The following DSCAML1 variants were observed in gnomAD, a reference collection of about 807,000 sequenced individuals.
The protein encoded by DSCAML1 is DS cell adhesion molecule like 1.
In DSCAML1, 38 loss-of-function variants were observed where a neutral mutation model predicts 200.5. The ratio of observed to expected loss-of-function variants is 0.19; its 90% CI spans 0.15 to 0.25. The LOEUF (loss-of-function observed/expected upper bound fraction) is 0.25, where lower values mean the gene tolerates loss of function less well. Ranked by LOEUF, DSCAML1 falls within the 10% of genes least tolerant of loss-of-function variation. DSCAML1 has a pLI of 1.00. For synonymous variants in DSCAML1, 1,215 were observed against 1,165.0 expected, an observed-to-expected ratio of 1.04 and a Z score of -0.87; for missense variants, 2,223 against 2,858.8, an observed-to-expected ratio of 0.78 and a Z score of 5.07.
intron 3 of DSCAML1, among the ~76,000 whole-genome samples, chr11:117,609,860 G>A (rs546611785): frequency 5.3e-5 from 8 of 152,212 alleles, no homozygotes; most frequent in African/African-American, 1.9e-4. Flanking sequence ...ATGGAGTGTG[G>A]AACAGTCTGG....
At chr11:117,506,024 T>C (rs2049490073) in intron 8 of DSCAML1, among the ~76,000 whole-genome samples, 1 of 152,220 alleles carries the variant, frequency 6.6e-6, no homozygotes. Flanking sequence ...TGATCTCTGC[T>C]CACCTTTCCC....
At position 117,615,333 on chromosome 11, in the gene DSCAML1, A is replaced by G. The variant is rs569493847; in HGVS notation, c.512-82811T>C. 5.3e-5 allele frequency among the ~76,000 whole-genome samples: 8 copies of G among 152,202 alleles called. No individual in the cohort carries two copies. The South Asian group carries it at 1.7e-3, about 31-fold the overall frequency. On this transcript the variant is annotated intron_variant, in intron 3 of 32. Transcript: ENST00000651296. ...TCTTCTTTTGCACTCCTGAGCCTCT[A>G]TCACATCCTGAGGTCCTGGATGCTG...
intron 4 of DSCAML1, among the ~76,000 whole-genome samples, chr11:117,530,869 G>A (rs1156995877): frequency 1.3e-5 from 2 of 152,124 alleles, no homozygotes; most frequent in African/African-American, 4.8e-5. Context: ...CCCAAAAGCC[G>A]GGTGTTCTGA....
intron 1 of DSCAML1, among the ~76,000 whole-genome samples, chr11:117,807,587 T>C (rs1681621061): frequency 6.6e-6 from 1 of 152,154 alleles, no homozygotes; most frequent in Non-Finnish European, 1.5e-5. Context: ...AGCGTGGCTG[T>C]GAATGTCTAA....
At chr11:117,811,292 A>G (rs987233292) in intron 1 of DSCAML1, among the ~76,000 whole-genome samples, 8 of 152,186 alleles carry the variant, frequency 5.3e-5, no homozygotes, top group South Asian at 4.1e-4. Flanking sequence ...TCAAAAGGCC[A>G]TCTTATTCTC....
In DSCAML1 at chr11:117,505,473, C is replaced by T; in HGVS notation, c.2043G>A (p.Glu681=). 1.2e-6 allele frequency: 2 copies of T among 1,611,588 alleles called. No individual in the cohort carries two copies. Among genetic ancestry groups the T allele is most frequent in the Non-Finnish European group, 1.7e-6 (2 of 1,179,958 alleles). ...GCTCACCACGCACGATGAGCTGGCG[C>T]TCCCGGCTCACGGTGGCGGCTGCGT... ...ASNAAATVSR[E]RQLIVRVPPR... is the part of the protein sequence containing the mutation. Residue 681 remains glutamate (E), a synonymous_variant, in exon 9 of 33, where the codon GAG becomes GAA. Coordinates refer to ENST00000651296, the MANE Select transcript of DSCAML1 (RefSeq NM_020693.4). This position sits in a 1 kb window ranked among gnomAD's most constrained non-coding sequence, Gnocchi z 6.7.
intron 11 of DSCAML1, among the ~76,000 whole-genome samples, chr11:117,491,798 C>A (rs577202440): frequency 3.9e-5 from 6 of 152,154 alleles, no homozygotes; most frequent in Admixed American, 2.6e-4. Context: ...ACAAAAAACC[C>A]CATGAATATC....
At chr11:117,707,366 G>A (rs188504736) in intron 3 of DSCAML1, among the ~76,000 whole-genome samples, 2 of 152,214 alleles carry the variant, frequency 1.3e-5, no homozygotes, top group Non-Finnish European at 2.9e-5. Context: ...GTGAATGGTC[G>A]CGAAGGTCCC....
chr11:117,541,934 A>G (rs1022315166), intron 3 of DSCAML1, among the ~76,000 whole-genome samples: 32 of 152,240 alleles, frequency 2.1e-4, no homozygotes, highest in African/African-American at 7.7e-4. Flanking sequence ...AGGGACTACT[A>G]GCAACACAGG....
At chr11:117,565,211 G>A (rs759536078) in intron 3 of DSCAML1, among the ~76,000 whole-genome samples, 4 of 152,002 alleles carry the variant, frequency 2.6e-5, no homozygotes, top group Admixed American at 6.6e-5. Context: ...AAGGTACATC[G>A]TTTTGGGGGT....
intron 32 of DSCAML1, among the ~76,000 whole-genome samples, chr11:117,429,868 T>A (rs1273246222): frequency 1.3e-5 from 2 of 152,228 alleles, no homozygotes; most frequent in African/African-American, 4.8e-5. Flanking sequence ...GTCTGCACTT[T>A]ACAAGTGAGG....
At chr11:117,473,990 T>C (rs922297429) in intron 14 of DSCAML1, among the ~76,000 whole-genome samples, 2 of 152,040 alleles carry the variant, frequency 1.3e-5, no homozygotes, top group Admixed American at 6.6e-5. Flanking sequence ...CCCATGTTTA[T>C]AGGAGAGGGA....
chr11:117,428,862 T>C lies in DSCAML1; in HGVS notation c.5687-59A>G, dbSNP rs1037593296. 2.0e-6 allele frequency: 3 copies of C among 1,477,264 alleles called. No homozygotes were observed. In the Admixed American group the frequency reaches 6.0e-5, roughly 29 times the overall value. 91.5% of individuals were successfully genotyped at this position (1,477,264 alleles called of 1,614,324 possible). ...GTCATAGCCCTCTGGAAGCAGCTCG[T>C]TCAGCCCCCACCCCATCCCCTGCCC... On this transcript the variant is annotated intron_variant, in intron 32 of 32. Coordinates refer to ENST00000651296, the MANE Select transcript of DSCAML1 (RefSeq NM_020693.4).
chr11:117,796,809 G>A (rs75467870), intron 1 of DSCAML1, among the ~76,000 whole-genome samples: 11,480 of 152,208 alleles, frequency 0.075, 544 homozygotes, highest in Middle Eastern at 0.12. Flanking sequence ...CCCTACGGGC[G>A]CGCCCCAAAA....
chr11:117,542,005 A>G (rs934933494), intron 3 of DSCAML1, among the ~76,000 whole-genome samples: 2 of 152,198 alleles, frequency 1.3e-5, no homozygotes, highest in African/African-American at 4.8e-5. Flanking sequence ...GATCAGAGGT[A>G]TGTGAAATAG....
At chr11:117,772,856 A>C (rs544119637) in intron 3 of DSCAML1, among the ~76,000 whole-genome samples, 1 of 152,268 alleles carries the variant, frequency 6.6e-6, no homozygotes, top group South Asian at 2.1e-4. Context: ...CTGGAGAGAG[A>C]AGCAAGGGTG....
chr11:117,664,970 G>C (rs1026863994), intron 3 of DSCAML1, among the ~76,000 whole-genome samples: 1 of 152,188 alleles, frequency 6.6e-6, no homozygotes, highest in Non-Finnish European at 1.5e-5. Context: ...GGCACCCCCA[G>C]ACCCAGCACC....
At chr11:117,438,211 CG>C (rs2047963415) in intron 24 of DSCAML1, 128 bp from the exon 25 acceptor site, 1 of 880,600 alleles carries the variant, frequency 1.1e-6, no homozygotes, top group South Asian at 1.8e-5. Context: ...GTCATTGGAA[CG>C]GGCATATGCT....
At chr11:117,481,304 T>C (rs747139116) in intron 12 of DSCAML1, 34 bp from the exon 13 acceptor site, 29 of 1,603,000 alleles carry the variant, frequency 1.8e-5, no homozygotes, top group East Asian at 8.9e-5. Flanking sequence ...GGAGAGGGAG[T>C]AAACAGGGAG....
Sources: allele counts gnomAD v4.1 joint callset (sites outside exome capture counted in the v4.1 genomes callset), GRCh38; gene constraint gnomAD v4.1.1; non-coding constraint Gnocchi (gnomAD v3.1); transcripts MANE v1.5; gene names NCBI Gene and HGNC (gene_info 2026-07-23, HGNC 2026-07-21).